The following FAAH2 variants were observed in gnomAD, a reference collection of about 807,000 sequenced individuals.
FAAH2 encodes fatty acid amide hydrolase 2.
In FAAH2, 60 loss-of-function variants were observed where a neutral mutation model predicts 36.9. The ratio of observed to expected loss-of-function variants is 1.63; its 90% CI spans 1.32 to 2.02. The LOEUF (loss-of-function observed/expected upper bound fraction) is 2.02. FAAH2 is among the 30% of genes most tolerant of loss of function. FAAH2 has a pLI of 0.00. For synonymous variants in FAAH2, 214 were observed against 143.8 expected (o/e 1.49, Z -3.49); for missense variants, 689 against 397.5 (o/e 1.73, Z -6.23).
At chrX:57,481,435 C>A (rs1005550810) in intron 10 of FAAH2, among the ~76,000 whole-genome samples, 1 of 111,226 alleles carries the variant, frequency 9.0e-6, no homozygotes, top group African/African-American at 3.3e-5. Context: ...GTGTGGGGTT[C>A]TTTATGTTGA....
the FAAH2 span, among the ~76,000 whole-genome samples, chrX:57,231,758 C>T: frequency 1.8e-5 from 2 of 111,779 alleles, no homozygotes; most frequent in African/African-American, 6.5e-5. Context: ...AATTCCTCAA[C>T]ATTTGCTTTT....
intron 2 of FAAH2, among the ~76,000 whole-genome samples, chrX:57,299,377 C>T (rs1401535386): frequency 8.9e-6 from 1 of 111,762 alleles, no homozygotes; most frequent in African/African-American, 3.3e-5. Context: ...TCAATAGATG[C>T]AGAAAAGGCC....
intron 5 of FAAH2, among the ~76,000 whole-genome samples, chrX:57,370,737 G>C (rs1189182298): frequency 8.9e-6 from 1 of 112,112 alleles, no homozygotes; most frequent in African/African-American, 3.2e-5. Context: ...TGTTAGATCA[G>C]CAGCAGCATT....
intron 7 of FAAH2, among the ~76,000 whole-genome samples, chrX:57,421,292 A>T (rs2056017936): frequency 1.8e-5 from 2 of 111,491 alleles, no homozygotes; most frequent in African/African-American, 6.5e-5. Flanking sequence ...AAAAATACGA[A>T]AATTATCCAG....
chrX:57,240,025 G>T, the FAAH2 span, among the ~76,000 whole-genome samples: 2 of 111,904 alleles, frequency 1.8e-5, no homozygotes, highest in Non-Finnish European at 3.8e-5. Flanking sequence ...AATTCTGTTT[G>T]TCGTTTCAGC....
At chrX:57,247,487 C>CCT in the FAAH2 span, among the ~76,000 whole-genome samples, 12 of 108,313 alleles carry the variant, frequency 1.1e-4, no homozygotes, top group South Asian at 3.9e-4. Flanking sequence ...TCCCTCCATC[C>CCT]CTCTCTCTCT....
the FAAH2 span, chrX:57,134,458 C>T: frequency 9.0e-6 from 1 of 110,866 alleles, no homozygotes; most frequent in Admixed American, 9.6e-5. Context: ...TTTAGTGGAT[C>T]GTTGGTCGGA....
chrX:57,349,263 G>GTATATACA (rs1186639950), intron 5 of FAAH2, among the ~76,000 whole-genome samples: 41 of 89,871 alleles, frequency 4.6e-4, no homozygotes, highest in Non-Finnish European at 7.7e-4. Flanking sequence ...GTGTATATAT[G>GTATATACA]TATATACATA....
At chrX:57,187,257 G>A in the FAAH2 span, among the ~76,000 whole-genome samples, 1 of 110,927 alleles carries the variant, frequency 9.0e-6, no homozygotes, top group African/African-American at 3.3e-5. Context: ...AGTGGTTTCA[G>A]TTCTCCTTGA....
At chrX:57,425,593 A>T (rs1006187976) in intron 7 of FAAH2, among the ~76,000 whole-genome samples, 1 of 111,812 alleles carries the variant, frequency 8.9e-6, no homozygotes, top group Non-Finnish European at 1.9e-5. Flanking sequence ...ACACTTTTAA[A>T]TACGAATTTT....
At chrX:57,310,521 T>C in intron 2 of FAAH2, 72 bp from the exon 3 acceptor site, 1 of 1,059,884 alleles carries the variant, frequency 9.4e-7, no homozygotes, top group Non-Finnish European at 1.3e-6. Context: ...CATGTTGATA[T>C]GGGTATTCTT....
the FAAH2 span, among the ~76,000 whole-genome samples, chrX:57,245,296 C>T: frequency 9.0e-6 from 1 of 111,004 alleles, no homozygotes; most frequent in Non-Finnish European, 1.9e-5. Flanking sequence ...ACTTTAACAC[C>T]CCATTGTTAA....
At chrX:57,198,266 G>A in the FAAH2 span, among the ~76,000 whole-genome samples, 1 of 111,542 alleles carries the variant, frequency 9.0e-6, no homozygotes, top group African/African-American at 3.3e-5. Context: ...TGATGAGGAT[G>A]AGGCTGTGAT....
chrX:57,188,005 A>T, the FAAH2 span, among the ~76,000 whole-genome samples: 2 of 111,890 alleles, frequency 1.8e-5, no homozygotes, highest in African/African-American at 6.5e-5. Context: ...CCCAACAGGG[A>T]TAATAACCTG....
At chrX:57,145,199 C>A in the FAAH2 span, among the ~76,000 whole-genome samples, 1 of 109,389 alleles carries the variant, frequency 9.1e-6, no homozygotes, top group Non-Finnish European at 1.9e-5. Context: ...TCCCTTTTCA[C>A]CACATCCATA....
the FAAH2 span, among the ~76,000 whole-genome samples, chrX:57,165,317 C>G: frequency 2.2e-4 from 24 of 111,564 alleles, no homozygotes; most frequent in Non-Finnish European, 1.7e-4. Flanking sequence ...TAGACTGGAT[C>G]AAGAAAATGT....
At chrX:57,203,781 T>A in the FAAH2 span, among the ~76,000 whole-genome samples, 1 of 112,281 alleles carries the variant, frequency 8.9e-6, no homozygotes, top group African/African-American at 3.2e-5. Flanking sequence ...CCTGGGATGT[T>A]TAAATATTTG....
chrX:57,293,205 T>A (rs944736715), intron 2 of FAAH2, among the ~76,000 whole-genome samples: 1 of 111,458 alleles, frequency 9.0e-6, no homozygotes, highest in Non-Finnish European at 1.9e-5. Flanking sequence ...CACGTCAGCT[T>A]TGTTGTTGTT....
At chrX:57,237,294 C>A in the FAAH2 span, among the ~76,000 whole-genome samples, 1 of 111,180 alleles carries the variant, frequency 9.0e-6, no homozygotes, top group Admixed American at 9.6e-5. Flanking sequence ...TAAGGTGATG[C>A]CTCCAGCTTT....
Sources: gnomAD v4.1 joint callset for allele counts (sites outside exome capture counted in the v4.1 genomes callset) on GRCh38, gnomAD v4.1.1 for gene constraint, MANE v1.5 for transcripts, NCBI Gene and HGNC (gene_info 2026-07-23, HGNC 2026-07-21) for gene names.